TNFRSF21: variants seen among roughly 807,000 people sequenced by gnomAD.
TNFRSF21 encodes the protein tumor necrosis factor receptor superfamily member 21.
A neutral mutation model predicts 45.6 loss-of-function variants in TNFRSF21; 19 were observed. The observed-to-expected ratio is 0.42, with a 90% CI of 0.29 to 0.61. The LOEUF (loss-of-function observed/expected upper bound fraction) is 0.61, where lower values mean the gene tolerates loss of function less well. TNFRSF21 is among the 20% of genes least tolerant of loss of function. The probability of loss-of-function intolerance (pLI) is 0.23; values close to 1 mark genes in which losing one functional copy is unlikely to be tolerated. For synonymous variants in TNFRSF21, 314 were observed against 335.5 expected (o/e 0.94, Z 0.70); for missense variants, 737 against 851.5 (o/e 0.87, Z 1.67).
chr6:47,245,463 T>C (rs1267924138), intron 4 of TNFRSF21, among the ~76,000 whole-genome samples: 2 of 145,604 alleles, frequency 1.4e-5, no homozygotes, highest in Non-Finnish European at 3.0e-5. Context: ...TGTGTTTGTG[T>C]GTGTGTGTGT....
intron 4 of TNFRSF21, among the ~76,000 whole-genome samples, chr6:47,248,981 G>A (rs1182116360): frequency 6.6e-6 from 1 of 152,154 alleles, no homozygotes; most frequent in African/African-American, 2.4e-5. Context: ...GTCTCATGAA[G>A]AAACTGAGGC....
chr6:47,254,512 A>G (rs533891264), intron 3 of TNFRSF21, among the ~76,000 whole-genome samples: 50 of 152,352 alleles, frequency 3.3e-4, no homozygotes, highest in Non-Finnish European at 6.0e-4. Context: ...ATCTAAAAAC[A>G]TGGTGACTTC....
rs1762991375 is a variant in TNFRSF21, at chr6:47,309,738, C to G, written c.-227G>C. 2.1e-6 allele frequency: 1 copy of G among 479,158 alleles called. No homozygotes were observed. The highest frequency in any genetic ancestry group is 3.4e-6 in the Non-Finnish European group (1 of 297,004). 29.7% of individuals were successfully genotyped at this position (479,158 alleles called of 1,614,324 possible). The stretch of plus-strand genomic sequence containing the variant: ...GCGCGGCCGCCCAGGCGGGGAGAAG[C>G]CGCCGCGACTGCAGCCCGCGTCTCC... On this transcript the variant is annotated 5_prime_UTR_variant, in exon 1 of 6. Transcript: ENST00000296861.
intron 3 of TNFRSF21, among the ~76,000 whole-genome samples, chr6:47,267,797 A>G (rs923390029): frequency 1.3e-5 from 2 of 152,174 alleles, no homozygotes; most frequent in Non-Finnish European, 2.9e-5. Flanking sequence ...AAACCCAGGT[A>G]TATCTGACGC....
At chr6:47,258,538 T>C (rs1561942128) in intron 3 of TNFRSF21, among the ~76,000 whole-genome samples, 1 of 151,806 alleles carries the variant, frequency 6.6e-6, no homozygotes, top group Admixed American at 6.6e-5. Context: ...GCCTCCTAGG[T>C]TCAAGAGATT....
chr6:47,244,080 G>A (rs577459508), intron 4 of TNFRSF21, among the ~76,000 whole-genome samples: 84 of 152,262 alleles, frequency 5.5e-4, no homozygotes, highest in African/African-American at 1.4e-3. Flanking sequence ...CCAGCACTTC[G>A]GGAGGCCGAG....
At chr6:47,295,287 A>G (rs1450938215) in intron 1 of TNFRSF21, among the ~76,000 whole-genome samples, 4 of 152,242 alleles carry the variant, frequency 2.6e-5, no homozygotes, top group Non-Finnish European at 1.5e-5. Flanking sequence ...TTCCTTAACA[A>G]TTCTTACTCC....
chr6:47,263,034 C>A (rs143267504), intron 3 of TNFRSF21, among the ~76,000 whole-genome samples: 206 of 152,162 alleles, frequency 1.4e-3, no homozygotes, highest in African/African-American at 4.7e-3. Flanking sequence ...AGTAATCCAG[C>A]AAGGAGGTGA....
intron 3 of TNFRSF21, among the ~76,000 whole-genome samples, chr6:47,274,706 A>T (rs1349414795): frequency 6.6e-6 from 1 of 152,244 alleles, no homozygotes; most frequent in Admixed American, 6.5e-5. Flanking sequence ...CAGGCAGCCT[A>T]CGGAATGGGA....
At chr6:47,307,374 A>G (rs1009434252) in intron 1 of TNFRSF21, among the ~76,000 whole-genome samples, 1 of 152,020 alleles carries the variant, frequency 6.6e-6, no homozygotes, top group African/African-American at 2.4e-5. Flanking sequence ...GAGTTTGATG[A>G]CTTATTTTTT....
intron 3 of TNFRSF21, among the ~76,000 whole-genome samples, chr6:47,281,107 A>G (rs778410182): frequency 6.6e-6 from 1 of 152,180 alleles, no homozygotes. Context: ...TTGGGTCAAC[A>G]TACAATATTG....
intron 1 of TNFRSF21, among the ~76,000 whole-genome samples, chr6:47,288,533 A>G (rs550974684): frequency 5.6e-4 from 85 of 151,934 alleles, no homozygotes; most frequent in Admixed American, 2.0e-3. Flanking sequence ...AGTGTCTCTA[A>G]GTAAATAAAT....
chr6:47,281,771 G>A (rs1762570920), intron 3 of TNFRSF21, among the ~76,000 whole-genome samples: 1 of 152,080 alleles, frequency 6.6e-6, no homozygotes, highest in Admixed American at 6.5e-5. Flanking sequence ...AGGTATGTAG[G>A]TATTCTTTGT....
intron 3 of TNFRSF21, among the ~76,000 whole-genome samples, chr6:47,275,326 T>TA (rs1237426067): frequency 6.6e-6 from 1 of 152,086 alleles, no homozygotes; most frequent in African/African-American, 2.4e-5. Context: ...TATGCAGCCA[T>TA]AAAAAAGATG....
chr6:47,265,646 T>C (rs1223863920), intron 3 of TNFRSF21, among the ~76,000 whole-genome samples: 1 of 152,324 alleles, frequency 6.6e-6, no homozygotes, highest in Non-Finnish European at 1.5e-5. Context: ...TTGATACTTA[T>C]AAAAACTTAG....
intron 3 of TNFRSF21, among the ~76,000 whole-genome samples, chr6:47,281,062 G>A (rs1037195457): frequency 5.3e-5 from 8 of 151,722 alleles, no homozygotes; most frequent in African/African-American, 1.9e-4. Context: ...TCCTACACTA[G>A]AGAAAAAAAA....
At chr6:47,243,067 G>A (rs376865300) in intron 4 of TNFRSF21, among the ~76,000 whole-genome samples, 67 of 152,274 alleles carry the variant, frequency 4.4e-4, no homozygotes, top group African/African-American at 1.6e-3. Context: ...TTTATGACTC[G>A]GGCTTTTTGA....
At position 47,284,240 on chromosome 6, in the gene TNFRSF21, G is replaced by A. The variant is rs753328769; in HGVS notation, c.941C>T (p.Pro314Leu). The A allele has an allele frequency of 1.5e-5, 24 of 1,613,872 alleles. No homozygotes were observed. The highest frequency in any genetic ancestry group is 9.9e-5 in the South Asian group (9 of 91,042). The change falls in exon 3 of 6, where the codon CCG becomes CTG. Residue 314 changes from proline (P) to leucine (L), a missense_variant. Coordinates refer to ENST00000296861, the MANE Select transcript of TNFRSF21 (RefSeq NM_014452.5). ...PHHRHILKLL[P>L]SMEATGGEKS... Reference sequence around the variant, plus strand: ...CTCGCCCCCAGTGGCCTCCATGGACGGCAGCAGCTTCAGGATGTGTCTGTG... The same window carrying A: ...CTCGCCCCCAGTGGCCTCCATGGACAGCAGCAGCTTCAGGATGTGTCTGTG...
At chr6:47,272,004 A>C (rs1258466310) in intron 3 of TNFRSF21, among the ~76,000 whole-genome samples, 3 of 152,232 alleles carry the variant, frequency 2.0e-5, no homozygotes, top group Non-Finnish European at 4.4e-5. Flanking sequence ...AGGAGCACCC[A>C]GATTCATAAA....
Sources: allele counts gnomAD v4.1 joint callset (sites outside exome capture counted in the v4.1 genomes callset), GRCh38; gene constraint gnomAD v4.1.1; transcripts MANE v1.5; gene names NCBI Gene and HGNC (gene_info 2026-07-23, HGNC 2026-07-21).